The following NLRP1 variants were observed in gnomAD, a reference collection of about 807,000 sequenced individuals.
NLRP1 encodes NLR family pyrin domain containing 1, also known as NACHT, LRR and PYD domains-containing protein 1.
A neutral mutation model predicts 136.7 loss-of-function variants in NLRP1; 94 were observed. The ratio of observed to expected loss-of-function variants is 0.69; its 90% CI spans 0.58 to 0.82. The LOEUF is 0.82. NLRP1 is among the 40% of genes least tolerant of loss of function. The pLI, the probability that NLRP1 is intolerant of heterozygous loss-of-function variation, is 0.00. For synonymous variants in NLRP1, 690 were observed against 725.1 expected, an observed-to-expected ratio of 0.95 and a Z score of 0.78; for missense variants, 1,575 against 1,802.7, an observed-to-expected ratio of 0.87 and a Z score of 2.29.
chr17:5,556,212 G>A (rs1914061752), intron 4 of NLRP1, among the ~76,000 whole-genome samples: 1 of 151,938 alleles, frequency 6.6e-6, no homozygotes, highest in South Asian at 2.1e-4. Flanking sequence ...CACTTTGGGA[G>A]GTCAAGGTGA....
intron 2 of NLRP1, 75 bp from the exon 3 acceptor site, chr17:5,582,137 C>A: frequency 8.4e-7 from 1 of 1,195,118 alleles, no homozygotes. Flanking sequence ...TTTAAACTCT[C>A]ACAACAGTCC....
Position 5,576,679 on chromosome 17 carries a change from G to A in NLRP1, c.652+5180C>T, listed in dbSNP as rs151068867. Among the ~76,000 whole-genome samples the A allele has an allele frequency of 3.6e-3, 544 of 152,238 alleles. 3 individuals are homozygous for A. The highest frequency in any genetic ancestry group is 0.012 in the African/African-American group (511 of 41,542). The stretch of plus-strand genomic sequence containing the variant: ...GATTCACAGCCAAATTCTACCAGAC[G>A]TACAAGGAGGAGCTGGTACCATTCC... On this transcript the variant is annotated intron_variant, in intron 3 of 16. Coordinates refer to ENST00000572272, the MANE Select transcript of NLRP1 (RefSeq NM_033004.4).
chr17:5,509,637 G>A (rs924984144), downstream of NLRP1, among the ~76,000 whole-genome samples: 9 of 152,102 alleles, frequency 5.9e-5, no homozygotes, highest in African/African-American at 1.7e-4. Flanking sequence ...GCGTGATCTC[G>A]GCTCACTGCA....
At chr17:5,530,248 A>G (rs1910072296) in intron 12 of NLRP1, among the ~76,000 whole-genome samples, 1 of 152,208 alleles carries the variant, frequency 6.6e-6, no homozygotes, top group Non-Finnish European at 1.5e-5. Flanking sequence ...ACACTTAATA[A>G]AAACTTTCAA....
intron 15 of NLRP1, among the ~76,000 whole-genome samples, chr17:5,506,918 A>C (rs1907374032): frequency 1.4e-5 from 2 of 146,728 alleles, no homozygotes; most frequent in South Asian, 4.3e-4. Context: ...AAAAAAAAAA[A>C]AAAAAAAAAT....
chr17:5,573,411 G>T (rs770228927), intron 3 of NLRP1, among the ~76,000 whole-genome samples: 1 of 152,166 alleles, frequency 6.6e-6, no homozygotes, highest in African/African-American at 2.4e-5. Flanking sequence ...CCAAACAAAA[G>T]GCAGCAGAAA....
In NLRP1 at chr17:5,536,870, G is replaced by A. The variant is rs777194631; in HGVS notation, c.2941C>T (p.Leu981=). Reference sequence around the variant, plus strand: ...CCTTACCGTCTGCTGAAGATGAGCAGCTGAGGTTTCTCCTGCTCCAGGGCC... The same window carrying A: ...CCTTACCGTCTGCTGAAGATGAGCAACTGAGGTTTCTCCTGCTCCAGGGCC... ...LRALEQEKPQ[L]LIFSRRKPSV... Residue 981 remains leucine, a synonymous_variant, in exon 8 of 17, where the codon CTG becomes TTG. Coordinates refer to ENST00000572272, the MANE Select transcript of NLRP1 (RefSeq NM_033004.4). 4 of 1,612,904 alleles carry A rather than the reference G, an allele frequency of 2.5e-6. No homozygotes were observed. Among genetic ancestry groups the A allele is most frequent in the Non-Finnish European group, 2.5e-6 (3 of 1,178,946 alleles).
downstream of NLRP1, among the ~76,000 whole-genome samples, chr17:5,511,456 A>C (rs1411595948): frequency 2.0e-5 from 3 of 151,662 alleles, no homozygotes; most frequent in Non-Finnish European, 4.4e-5. Context: ...AAAAAAGAGA[A>C]TCTGGATCCA....
At chr17:5,533,426 C>T in intron 9 of NLRP1, 42 bp from the exon 10 acceptor site, 1 of 760,482 alleles carries the variant, frequency 1.3e-6, no homozygotes, top group Non-Finnish European at 2.3e-6. Flanking sequence ...TGGTGGTGAG[C>T]ATCTGCAGTC....
intron 12 of NLRP1, 21 bp downstream of exon 12, chr17:5,530,460 C>T (rs1275945435): frequency 6.2e-7 from 1 of 1,601,120 alleles, no homozygotes; most frequent in Non-Finnish European, 8.6e-7. Flanking sequence ...ACCTTCCTCC[C>T]TATCCTTCCC....
At chr17:5,548,307 CCT>C in intron 5 of NLRP1, among the ~76,000 whole-genome samples, 1 of 152,172 alleles carries the variant, frequency 6.6e-6, no homozygotes, top group East Asian at 1.9e-4. Flanking sequence ...TATGTTCCTA[CCT>C]CTCTCTTCCC....
Position 5,558,414 on chromosome 17 carries a change from C to T in NLRP1, c.2282G>A (p.Ser761Asn). Residue 761 changes from serine to asparagine, a missense_variant, in exon 4 of 17, where the codon AGC becomes AAC. By Grantham distance (46) the Ser-to-Asn change is conservative (BLOSUM62 1). Coordinates refer to ENST00000572272, the MANE Select transcript of NLRP1 (RefSeq NM_033004.4). ...LLVCTFCIKF[S>N]RHVKKLQLIE... ...CAGCTGAAGCTTCTTCACGTGGCGG[C>T]TGAATTTAATGCAGAAAGTGCACAC... 2 of 1,614,122 alleles carry T rather than the reference C, an allele frequency of 1.2e-6. No individual in the cohort carries two copies. The highest frequency in any genetic ancestry group is 1.7e-6 in the Non-Finnish European group (2 of 1,180,028).
At chr17:5,557,287 G>A (rs1914199977) in intron 4 of NLRP1, among the ~76,000 whole-genome samples, 1 of 152,128 alleles carries the variant, frequency 6.6e-6, no homozygotes, top group Middle Eastern at 3.4e-3. Context: ...TTACAGGTGT[G>A]AGCTACTTCA....
At position 5,533,958 on chromosome 17, in the gene NLRP1, G is replaced by A. The variant is rs771232479; in HGVS notation, c.2991C>T (p.Gly997=). 1.2e-6 allele frequency: 2 copies of A among 1,613,038 alleles called. No individual in the cohort carries two copies. The highest frequency in any genetic ancestry group is 1.7e-6 in the Non-Finnish European group (2 of 1,179,086). Residue 997 remains glycine (G), a synonymous_variant, in exon 9 of 17, where the codon GGC becomes GGT. Coordinates refer to ENST00000572272, the MANE Select transcript of NLRP1 (RefSeq NM_033004.4). ...RKPSVMTPTE[G]LDTGEMSNST... ...TATTACTCATCTCTCCCGTATCCAGGCCCTCAGTAGGGGTCATCACACTTG... is the reference window on the plus strand; with the variant it reads ...TATTACTCATCTCTCCCGTATCCAGACCCTCAGTAGGGGTCATCACACTTG...
chr17:5,542,072 G>A, intron 5 of NLRP1, 45 bp from the exon 6 acceptor site: 1 of 1,571,074 alleles, frequency 6.4e-7, no homozygotes, highest in Non-Finnish European at 8.7e-7. Flanking sequence ...CTCACCTGTT[G>A]ATTCAACAGA....
chr17:5,570,126 A>C (rs572281469), intron 3 of NLRP1, among the ~76,000 whole-genome samples: 1 of 152,146 alleles, frequency 6.6e-6, no homozygotes, highest in Non-Finnish European at 1.5e-5. Flanking sequence ...TGGAAAGTTT[A>C]TAGCAGTAAA....
rs377274601 is a variant in NLRP1 at position 5,527,747 on chromosome 17, C to G, written c.3520+2734G>C. The stretch of plus-strand genomic sequence containing the variant: ...GTGCCACAAAGGACAGTGCCACAAG[C>G]ACAGTGAATTCATTCCTATTCTGAT... On this transcript the variant is annotated intron_variant, in intron 12 of 16. Coordinates refer to ENST00000572272, the MANE Select transcript of NLRP1 (RefSeq NM_033004.4). 5.9e-4 allele frequency among the ~76,000 whole-genome samples: 90 copies of G among 152,370 alleles called. 3 individuals carry two copies. In the South Asian group the frequency reaches 0.018, roughly 30 times the overall value.
chr17:5,520,071 G>A (rs563124573), intron 14 of NLRP1, among the ~76,000 whole-genome samples: 3 of 151,598 alleles, frequency 2.0e-5, no homozygotes, highest in African/African-American at 7.3e-5. Context: ...TGGCCAGGCT[G>A]GTCTCGAACT....
intron 3 of NLRP1, among the ~76,000 whole-genome samples, chr17:5,566,781 T>C (rs1915383878): frequency 6.6e-6 from 1 of 152,028 alleles, no homozygotes; most frequent in Admixed American, 6.6e-5. Flanking sequence ...CAGCTATTAT[T>C]GTATTGAGGC....
Sources: gnomAD v4.1 joint callset for allele counts (sites outside exome capture counted in the v4.1 genomes callset) on GRCh38, gnomAD v4.1.1 for gene constraint, MANE v1.5 for transcripts, NCBI Gene and HGNC (gene_info 2026-07-23, HGNC 2026-07-21) for gene names.